The following RALGPS2 variants were observed in gnomAD, a reference collection of about 807,000 sequenced individuals.
RALGPS2 encodes Ral GEF with PH domain and SH3 binding motif 2, also known as ras-specific guanine nucleotide-releasing factor RalGPS2.
Under a neutral mutation model 86.8 loss-of-function variants are expected in RALGPS2, and 43 were observed. The ratio of observed to expected loss-of-function variants is 0.50; its 90% confidence interval spans 0.39 to 0.64. RALGPS2 has a LOEUF of 0.64. Among genes scored for constraint, RALGPS2 ranks in the 30% least tolerant of loss-of-function variants. The probability of loss-of-function intolerance (pLI) is 0.00; values close to 1 mark genes in which losing one functional copy is unlikely to be tolerated. For missense variants in RALGPS2, 536 were observed against 694.6 expected (o/e 0.77, Z 2.57); for synonymous variants, 243 against 231.3 (o/e 1.05, Z -0.46).
At position 178,789,222 on chromosome 1, in the gene RALGPS2, A is replaced by G. The variant is rs113453692; in HGVS notation, c.213+3615A>G. On this transcript the variant is annotated intron_variant, in intron 4 of 19. Coordinates refer to ENST00000367635, the MANE Select transcript of RALGPS2 (RefSeq NM_152663.5). ...GTGCCCGGCCTTAAGCAGCTCTTTGATACTGCTGACTAGGATATGTGGCAA... is the reference window on the plus strand; with the variant it reads ...GTGCCCGGCCTTAAGCAGCTCTTTGGTACTGCTGACTAGGATATGTGGCAA... Among the ~76,000 whole-genome samples the G allele has an allele frequency of 5.0e-3, 756 of 152,252 alleles. 7 individuals carry two copies. The highest frequency in any genetic ancestry group is 0.016 in the African/African-American group (682 of 41,536).
chr1:178,743,008 G>A (rs1469580175), intron 1 of RALGPS2, among the ~76,000 whole-genome samples: 1 of 152,168 alleles, frequency 6.6e-6, no homozygotes, highest in Non-Finnish European at 1.5e-5. Context: ...TTATGGCCAG[G>A]AGTTCAAGGC....
intron 10 of RALGPS2, among the ~76,000 whole-genome samples, chr1:178,881,593 G>A (rs1242670212): frequency 6.6e-6 from 1 of 152,074 alleles, no homozygotes; most frequent in East Asian, 1.9e-4. Flanking sequence ...TGGGATTACA[G>A]GTGCCCGCCA....
intron 8 of RALGPS2, among the ~76,000 whole-genome samples, chr1:178,869,541 C>G (rs571912658): frequency 5.9e-5 from 9 of 152,102 alleles, no homozygotes; most frequent in African/African-American, 2.2e-4. Context: ...CCTGCACTTC[C>G]CATAGCATGC....
At chr1:178,834,606 G>T (rs572585696) in intron 8 of RALGPS2, among the ~76,000 whole-genome samples, 1 of 152,336 alleles carries the variant, frequency 6.6e-6, no homozygotes, top group African/African-American at 2.4e-5. Context: ...CCTAAGCACA[G>T]TAGAGTTAGT....
At chr1:178,830,997 C>G (rs992708505) in intron 7 of RALGPS2, among the ~76,000 whole-genome samples, 8 of 152,176 alleles carry the variant, frequency 5.3e-5, no homozygotes, top group Non-Finnish European at 7.3e-5. Flanking sequence ...TAGCTTCCCA[C>G]AACTTCATGG....
At chr1:178,836,422 AG>A (rs1270387667) in intron 8 of RALGPS2, among the ~76,000 whole-genome samples, 1 of 152,074 alleles carries the variant, frequency 6.6e-6, no homozygotes, top group African/African-American at 2.4e-5. Context: ...CTCATGATGT[AG>A]GATCTTACGT....
chr1:178,883,358 AT>A (rs1207999257), intron 10 of RALGPS2, 107 bp from the exon 11 acceptor site: 1 of 843,212 alleles, frequency 1.2e-6, no homozygotes, highest in Non-Finnish European at 1.9e-6. Context: ...AGGTCAGATT[AT>A]TTCATAAAAA....
intron 1 of RALGPS2, among the ~76,000 whole-genome samples, chr1:178,731,757 G>A (rs749342262): frequency 5.9e-5 from 9 of 152,024 alleles, no homozygotes; most frequent in East Asian, 1.9e-4. Context: ...TTTAGTGGGC[G>A]CTTTCAACCA....
intron 10 of RALGPS2, among the ~76,000 whole-genome samples, chr1:178,882,634 C>T (rs753087549): frequency 2.0e-5 from 3 of 152,060 alleles, no homozygotes; most frequent in Admixed American, 6.6e-5. Context: ...AGACAGACTC[C>T]GCAATATTAA....
chr1:178,784,474 T>C lies in RALGPS2; in HGVS notation c.114T>C (p.Phe38=). ...AAGGCTCTGAATTGAAGAAAAGCTT[T>C]GATGCTGTGGTATTCGATGTTCTTA... ...SDKGSELKKS[F]DAVVFDVLKV... is the part of the protein sequence containing the mutation. Residue 38 remains phenylalanine, a synonymous_variant, in exon 3 of 20, where the codon TTT becomes TTC. Coordinates refer to ENST00000367635, the MANE Select transcript of RALGPS2 (RefSeq NM_152663.5). The C allele has an allele frequency of 6.2e-7, 1 of 1,607,134 alleles. No individual in the cohort carries two copies. The highest frequency in any genetic ancestry group is 8.5e-7 in the Non-Finnish European group (1 of 1,175,466).
Position 178,865,423 on chromosome 1 carries a change from C to T in RALGPS2, c.608-12075C>T, listed in dbSNP as rs369604288. 2.5e-6 allele frequency: 4 copies of T among 1,613,844 alleles called. No homozygotes were observed. In the African/African-American group the frequency reaches 5.3e-5, roughly 22 times the overall value. On this transcript the variant is annotated intron_variant, in intron 8 of 19. Coordinates refer to ENST00000367635, the MANE Select transcript of RALGPS2 (RefSeq NM_152663.5). ...TCATGTTACGGCTTTCCTTTCTCAG[C>T]AGCTTTACCTCATTCACAATGTTTC...
chr1:178,747,875 GAATTA>G, intron 1 of RALGPS2: 5 of 559,398 alleles, frequency 8.9e-6, no homozygotes, highest in Non-Finnish European at 1.6e-5. Context: ...AAATAAATGG[GAATTA>G]AAATCAGTGA....
rs377687713 is a variant in RALGPS2, at chr1:178,777,447, G to C, written c.57+626G>C. Among the ~76,000 whole-genome samples, 256 of 151,184 alleles carry C rather than the reference G, an allele frequency of 1.7e-3. 1 individual carries two copies. The Middle Eastern group carries it at 0.017, about 10-fold the overall frequency. Reference sequence around the variant, plus strand: ...GCTCATGGGTAGGAAGAATCAATATGGTGAAAATGGCCATACTGCCCAAGG... The same window carrying C: ...GCTCATGGGTAGGAAGAATCAATATCGTGAAAATGGCCATACTGCCCAAGG... On this transcript the variant is annotated intron_variant, in intron 2 of 19. Coordinates refer to ENST00000367635, the MANE Select transcript of RALGPS2 (RefSeq NM_152663.5).
intron 7 of RALGPS2, among the ~76,000 whole-genome samples, chr1:178,826,066 T>C (rs1415586711): frequency 6.6e-6 from 1 of 152,204 alleles, no homozygotes; most frequent in African/African-American, 2.4e-5. Flanking sequence ...GGATGGACCA[T>C]GAATTCAGGA....
intron 1 of RALGPS2, chr1:178,746,640 G>T: frequency 1.3e-6 from 1 of 761,084 alleles, no homozygotes. Flanking sequence ...GCACATCAAT[G>T]GTTCCAAATT....
Position 178,889,640 on chromosome 1 carries a change from A to G in RALGPS2, c.1193-2A>G, listed in dbSNP as rs1659637662. On this transcript the variant is annotated splice_acceptor_variant, in intron 13 of 19. Coordinates refer to ENST00000367635, the MANE Select transcript of RALGPS2 (RefSeq NM_152663.5). LOFTEE classifies it high-confidence loss of function. ...AAAAAATAGGATAACTTTTCATTTTAGGTAGCAGCGATGGTTCTGAACTAA... is the reference window on the plus strand; with the variant it reads ...AAAAAATAGGATAACTTTTCATTTTGGGTAGCAGCGATGGTTCTGAACTAA... The G allele has an allele frequency of 6.3e-7, 1 of 1,597,818 alleles. No homozygotes were observed. Among genetic ancestry groups the G allele is most frequent in the African/African-American group, 1.3e-5 (1 of 74,390 alleles).
At chr1:178,902,862 A>G (rs1660234784) in intron 18 of RALGPS2, among the ~76,000 whole-genome samples, 2 of 152,158 alleles carry the variant, frequency 1.3e-5, no homozygotes, top group Non-Finnish European at 1.5e-5. Context: ...GGCTCAGATC[A>G]CTTTCCAAGT....
chr1:178,779,656 C>G (rs1653283399), intron 2 of RALGPS2, among the ~76,000 whole-genome samples: 1 of 152,194 alleles, frequency 6.6e-6, no homozygotes, highest in South Asian at 2.1e-4. Context: ...AGAAAATAGT[C>G]CAAGCCTTTT....
At chr1:178,824,973 A>T (rs1474401640) in intron 7 of RALGPS2, among the ~76,000 whole-genome samples, 1 of 152,134 alleles carries the variant, frequency 6.6e-6, no homozygotes, top group Non-Finnish European at 1.5e-5. Context: ...TCTTTAGTTA[A>T]GGTGGTATGG....
Sources: allele counts gnomAD v4.1 joint callset (sites outside exome capture counted in the v4.1 genomes callset), GRCh38; gene constraint gnomAD v4.1.1; transcripts MANE v1.5; gene names NCBI Gene and HGNC (gene_info 2026-07-23, HGNC 2026-07-21).